SHANK2: variants seen among roughly 807,000 people sequenced by gnomAD.
SHANK2 encodes SH3 and multiple ankyrin repeat domains 2, also known as SH3 and multiple ankyrin repeat domains protein 2.
A neutral mutation model predicts 133.7 loss-of-function variants in SHANK2; 43 were observed. The observed-to-expected ratio is 0.32, with a 90% CI of 0.25 to 0.41. The LOEUF (loss-of-function observed/expected upper bound fraction) is 0.41. SHANK2 is among the 10% of genes least tolerant of loss of function. The pLI is 1.00. For missense variants in SHANK2, 1,994 were observed against 2,235.8 expected (o/e 0.89, Z 2.18); for synonymous variants, 1,017 against 952.8 (o/e 1.07, Z -1.24).
chr11:70,580,585 C>T (rs1441505291), intron 17 of SHANK2, among the ~76,000 whole-genome samples: 3 of 152,210 alleles, frequency 2.0e-5, no homozygotes, highest in Non-Finnish European at 4.4e-5. Flanking sequence ...GTGGCACCCA[C>T]GGGGGCTCAA....
chr11:71,183,655 T>A (rs1555114098), intron 2 of SHANK2, among the ~76,000 whole-genome samples: 1 of 152,056 alleles, frequency 6.6e-6, no homozygotes. Context: ...GCAGCTGCTG[T>A]AAGGAGAGAG....
chr11:71,217,677 C>T (rs1408019161), intron 2 of SHANK2, among the ~76,000 whole-genome samples: 3 of 151,848 alleles, frequency 2.0e-5, no homozygotes, highest in East Asian at 1.9e-4. Context: ...CCTGACCCCG[C>T]GTAGGCCAAG....
chr11:71,092,302 CCAAA>C, intron 8 of SHANK2, 116 bp downstream of exon 8: 2 of 1,076,902 alleles, frequency 1.9e-6, no homozygotes, highest in Non-Finnish European at 2.7e-6. Context: ...TCTGGGCAGG[CCAAA>C]CAAAATACCT....
Position 70,707,752 on chromosome 11 carries a change from G to A in SHANK2, c.1778-8989C>T, listed in dbSNP as rs782511332. 2.6e-5 allele frequency among the ~76,000 whole-genome samples: 4 copies of A among 152,258 alleles called. 1 individual carries two copies. Among genetic ancestry groups the A allele is most frequent in the African/African-American group, 7.2e-5 (3 of 41,554 alleles). On this transcript the variant is annotated intron_variant, in intron 14 of 25. Transcript: ENST00000601538. ...CGGCCTGGGGAAGCCGTCGAGTCAC[G>A]TTGGCTACTGTTGTCTGTCCAGGAA... is the stretch of plus-strand genomic sequence containing the variant.
chr11:71,173,520 T>G (rs1358939685), intron 2 of SHANK2, among the ~76,000 whole-genome samples: 1 of 152,246 alleles, frequency 6.6e-6, no homozygotes, highest in African/African-American at 2.4e-5. Context: ...ACCAGGCGAA[T>G]GTCCCCTTCG....
At chr11:71,069,905 G>T (rs1951120719) in intron 9 of SHANK2, among the ~76,000 whole-genome samples, 1 of 152,196 alleles carries the variant, frequency 6.6e-6, no homozygotes, top group Admixed American at 6.5e-5. Flanking sequence ...GCCCTGTATG[G>T]CACCCTTTCT....
chr11:70,858,604 T>A (rs1449678705), intron 11 of SHANK2, among the ~76,000 whole-genome samples: 1 of 152,216 alleles, frequency 6.6e-6, no homozygotes, highest in Admixed American at 6.5e-5. Flanking sequence ...AAGACAGTTA[T>A]CCACACAACA....
At chr11:70,584,632 C>G (rs1347074970) in intron 17 of SHANK2, among the ~76,000 whole-genome samples, 1 of 152,162 alleles carries the variant, frequency 6.6e-6, no homozygotes, top group Non-Finnish European at 1.5e-5. Context: ...TTAGTCTGCT[C>G]CTTCCTGCAG....
intron 8 of SHANK2, among the ~76,000 whole-genome samples, chr11:71,078,883 C>T (rs1189402535): frequency 4.6e-5 from 7 of 152,358 alleles, no homozygotes; most frequent in African/African-American, 1.7e-4. Flanking sequence ...CAGCCCTGCT[C>T]TGCAAGGAGC....
intron 6 of SHANK2, among the ~76,000 whole-genome samples, chr11:71,109,112 A>G (rs998186547): frequency 1.3e-5 from 2 of 152,304 alleles, no homozygotes; most frequent in Admixed American, 6.5e-5. Context: ...ACTCAAGACA[A>G]GAGGGGAGGG....
At chr11:71,101,186 T>A (rs371470030) in intron 6 of SHANK2, among the ~76,000 whole-genome samples, 3 of 152,170 alleles carry the variant, frequency 2.0e-5, no homozygotes, top group African/African-American at 7.2e-5. Flanking sequence ...GCCTGGTTTT[T>A]CTGTCAACCT....
At chr11:70,621,723 G>C (rs2060831551) in intron 17 of SHANK2, among the ~76,000 whole-genome samples, 2 of 152,166 alleles carry the variant, frequency 1.3e-5, no homozygotes, top group South Asian at 2.1e-4. Flanking sequence ...TAGAAGGGGA[G>C]ACTCTGCCTG....
At chr11:71,099,389 A>G (rs1555096252) in intron 6 of SHANK2, among the ~76,000 whole-genome samples, 1 of 152,248 alleles carries the variant, frequency 6.6e-6, no homozygotes. Flanking sequence ...TAAGATGCTG[A>G]TAAGGGGGGA....
intron 10 of SHANK2, among the ~76,000 whole-genome samples, chr11:70,918,309 C>T (rs1174604032): frequency 5.3e-5 from 8 of 152,278 alleles, no homozygotes; most frequent in African/African-American, 1.9e-4. Context: ...TCAAGTCAGA[C>T]GTGTACCCTC....
At chr11:70,597,267 C>T (rs1280561996) in intron 17 of SHANK2, among the ~76,000 whole-genome samples, 2 of 152,154 alleles carry the variant, frequency 1.3e-5, no homozygotes, top group African/African-American at 2.4e-5. Context: ...CACTGCCCCC[C>T]GCCTTTGAGC....
intron 17 of SHANK2, among the ~76,000 whole-genome samples, chr11:70,503,655 G>A (rs1387283202): frequency 6.6e-6 from 1 of 152,188 alleles, no homozygotes; most frequent in Non-Finnish European, 1.5e-5. Flanking sequence ...CTTAGGAGCC[G>A]GTTACCTCCT....
At chr11:70,847,387 G>C (rs1339653889) in intron 11 of SHANK2, among the ~76,000 whole-genome samples, 3 of 152,136 alleles carry the variant, frequency 2.0e-5, no homozygotes, top group Non-Finnish European at 4.4e-5. Flanking sequence ...GCAGCAGCAG[G>C]GCCTCCTCTC....
At chr11:70,816,967 C>T (rs1948411775) in intron 12 of SHANK2, among the ~76,000 whole-genome samples, 1 of 152,240 alleles carries the variant, frequency 6.6e-6, no homozygotes, top group South Asian at 2.1e-4. Flanking sequence ...TGGGTAACTG[C>T]TCCATAAGCA....
chr11:71,205,803 G>A (rs1347844437), intron 2 of SHANK2, among the ~76,000 whole-genome samples: 2 of 152,162 alleles, frequency 1.3e-5, no homozygotes, highest in African/African-American at 2.4e-5. Flanking sequence ...GAGTCCACAG[G>A]GTCACTGTGG....
Sources: allele counts gnomAD v4.1 joint callset (sites outside exome capture counted in the v4.1 genomes callset), GRCh38; gene constraint gnomAD v4.1.1; transcripts MANE v1.5; gene names NCBI Gene and HGNC (gene_info 2026-07-23, HGNC 2026-07-21).